IFFO2: variants seen among roughly 807,000 people sequenced by gnomAD.
IFFO2 encodes intermediate filament family orphan 2.
In IFFO2, 19 loss-of-function variants were observed where a neutral mutation model predicts 53.5. The observed-to-expected ratio is 0.36, with a 90% CI of 0.25 to 0.52. The LOEUF is 0.52. Ranked by LOEUF, IFFO2 falls within the 20% of genes least tolerant of loss-of-function variation. The pLI, the probability that IFFO2 is intolerant of heterozygous loss-of-function variation, is 0.94. For missense variants in IFFO2, 570 were observed against 727.4 expected (o/e 0.78, Z 2.49); for synonymous variants, 303 against 313.6 (o/e 0.97, Z 0.36).
rs1444777180 is a variant in IFFO2, at chr1:18,936,199, C to G, written c.666-15078G>C. Among the ~76,000 whole-genome samples, 1 of 152,198 alleles carries G rather than the reference C, an allele frequency of 6.6e-6. No individual in the cohort carries two copies. Among genetic ancestry groups the G allele is most frequent in the Non-Finnish European group, 1.5e-5 (1 of 68,026 alleles). On this transcript the variant is annotated intron_variant, in intron 1 of 8. Coordinates refer to ENST00000455833, the MANE Select transcript of IFFO2 (RefSeq NM_001136265.2). The surrounding 1 kb of genome is among the most constrained non-coding windows in gnomAD (Gnocchi z 4.5). ...CCCTGTCGCCTTAGATATGGCCACC[C>G]TGCCAGCCCCTCCCTGCCAGCCTCA...
At chr1:18,955,243 T>G (rs905630887) in intron 1 of IFFO2, among the ~76,000 whole-genome samples, 4 of 152,184 alleles carry the variant, frequency 2.6e-5, no homozygotes, top group African/African-American at 9.7e-5. Context: ...GGTTAAAATC[T>G]CTGGTTGAAA....
In IFFO2 at chr1:18,911,461, C is replaced by T. The variant is rs934770684; in HGVS notation, c.1240G>A (p.Gly414Ser). The T allele has an allele frequency of 6.6e-7, 1 of 1,506,366 alleles. No individual in the cohort carries two copies. The highest frequency in any genetic ancestry group is 1.4e-5 in the African/African-American group (1 of 70,726). 93.3% of individuals were successfully genotyped at this position (1,506,366 alleles called of 1,614,324 possible). Residue 414 changes from glycine to serine, a missense_variant, in exon 7 of 9, where the codon GGC becomes AGC. Transcript: ENST00000455833. ...GATTCGGTCTCATGGATCAAGTTGC[C>T]CAAGTTTTCCTCTTGCTGGGGAAAT... Reference protein sequence around the residue: ...DLQGEQEENLGNLIHETESFF... With the variant: ...DLQGEQEENLSNLIHETESFF...
chr1:18,918,180 T>C lies in IFFO2; in HGVS notation c.963+182A>G, dbSNP rs1936162879. ...TGAAGCAGTCAGACGAGCCTATGAGTCCACGGGTGCCTGATTCTACGTTTT... is the reference window on the plus strand; with the variant it reads ...TGAAGCAGTCAGACGAGCCTATGAGCCCACGGGTGCCTGATTCTACGTTTT... On this transcript the variant is annotated intron_variant, in intron 4 of 8. Coordinates refer to ENST00000455833, the MANE Select transcript of IFFO2 (RefSeq NM_001136265.2). This position sits in a 1 kb window ranked among gnomAD's most constrained non-coding sequence, Gnocchi z 5.2. Among the ~76,000 whole-genome samples, 2 of 152,012 alleles carry C rather than the reference T, an allele frequency of 1.3e-5. No homozygotes were observed. Among genetic ancestry groups the C allele is most frequent in the Non-Finnish European group, 1.5e-5 (1 of 67,990 alleles).
Position 18,947,166 on chromosome 1 carries a change from C to T in IFFO2, c.665+8502G>A, listed in dbSNP as rs373411102. ...ATCTTCCCCAACAAGAGGCACCAAA[C>T]GATTGTAACAACTTCCCTGTTCCCT... On this transcript the variant is annotated intron_variant, in intron 1 of 8. Transcript: ENST00000455833. The surrounding 1 kb of genome is among the most constrained non-coding windows in gnomAD (Gnocchi z 5.0). 3.2e-4 allele frequency among the ~76,000 whole-genome samples: 48 copies of T among 152,370 alleles called. No individual in the cohort carries two copies. The East Asian group carries it at 6.9e-3, about 22-fold the overall frequency.
chr1:18,918,431 G>A lies in IFFO2; in HGVS notation c.894C>T (p.Ile298=), dbSNP rs756774494. Reference sequence around the variant, plus strand: ...CATCGCACAGCTTGGCCGTGATATCGATTCGGCGGCAGATGTCCATGTCCA... The same window carrying A: ...CATCGCACAGCTTGGCCGTGATATCAATTCGGCGGCAGATGTCCATGTCCA... ...MKVDMDICRR[I]DITAKLCDVA... Residue 298 remains isoleucine, a synonymous_variant, in exon 4 of 9, where the codon ATC becomes ATT. Coordinates refer to ENST00000455833, the MANE Select transcript of IFFO2 (RefSeq NM_001136265.2). This position sits in a 1 kb window ranked among gnomAD's most constrained non-coding sequence, Gnocchi z 5.2. The A allele has an allele frequency of 6.4e-6, 10 of 1,560,836 alleles. No individual in the cohort carries two copies. The highest frequency in any genetic ancestry group is 5.7e-5 in the Admixed American group (3 of 52,350).
chr1:18,952,717 G>A (rs1214104414), intron 1 of IFFO2, among the ~76,000 whole-genome samples: 1 of 152,174 alleles, frequency 6.6e-6, no homozygotes, highest in African/African-American at 2.4e-5. Flanking sequence ...GGAATTTTCT[G>A]TAAATGGACA....
chr1:18,918,987 G>C lies in IFFO2; in HGVS notation c.823-485C>G, dbSNP rs1466707619. Among the ~76,000 whole-genome samples, 2 of 152,030 alleles carry C rather than the reference G, an allele frequency of 1.3e-5. No individual in the cohort carries two copies. Among genetic ancestry groups the C allele is most frequent in the Admixed American group, 6.5e-5 (1 of 15,276 alleles). On this transcript the variant is annotated intron_variant, in intron 3 of 8. Transcript: ENST00000455833. This position sits in a 1 kb window ranked among gnomAD's most constrained non-coding sequence, Gnocchi z 5.2. ...AGGGAGCCCAGTGGCCTCCAACTAG[G>C]GTCCTGGGAGGCTTCTACCAACCAC... is the stretch of plus-strand genomic sequence containing the variant.
intron 1 of IFFO2, among the ~76,000 whole-genome samples, chr1:18,937,905 C>T (rs1411476894): frequency 6.6e-6 from 1 of 152,268 alleles, no homozygotes; most frequent in East Asian, 1.9e-4. Flanking sequence ...TGCAAAAGAA[C>T]CGGCACCAGC....
Position 18,908,682 on chromosome 1 carries a change from G to T in IFFO2, c.1449-16C>A. 6.5e-7 allele frequency: 1 copy of T among 1,539,504 alleles called. No homozygotes were observed. The highest frequency in any genetic ancestry group is 8.8e-7 in the Non-Finnish European group (1 of 1,136,034). ...CGGTGAATTCCTGAGAAGCACAAGA[G>T]AGTGGGGAAATTCAGAGAGCAGCCC... On this transcript the variant is annotated splice_polypyrimidine_tract_variant and intron_variant, in intron 8 of 8. Transcript: ENST00000455833.
chr1:18,915,303 T>C (rs1002834548), intron 5 of IFFO2, among the ~76,000 whole-genome samples: 1 of 152,116 alleles, frequency 6.6e-6, no homozygotes, highest in Non-Finnish European at 1.5e-5. Context: ...ACAAATGATG[T>C]CAAAGGCATC....
At chr1:18,910,837 T>C (rs1468987477) in intron 7 of IFFO2, among the ~76,000 whole-genome samples, 1 of 152,260 alleles carries the variant, frequency 6.6e-6, no homozygotes, top group Admixed American at 6.5e-5. Context: ...CTCTATCAAG[T>C]GATACTTCCT....
At chr1:18,948,635 A>T (rs1936620612) in intron 1 of IFFO2, among the ~76,000 whole-genome samples, 1 of 152,256 alleles carries the variant, frequency 6.6e-6, no homozygotes, top group South Asian at 2.1e-4. Context: ...CGGCGGCAAC[A>T]TCACAAACCT....
rs577966636 is a variant in IFFO2 at position 18,936,605 on chromosome 1, T to A, written c.666-15484A>T. 6.5e-4 allele frequency among the ~76,000 whole-genome samples: 99 copies of A among 152,362 alleles called. No homozygotes were observed. In the South Asian group the frequency reaches 8.1e-3, roughly 12 times the overall value. On this transcript the variant is annotated intron_variant, in intron 1 of 8. Coordinates refer to ENST00000455833, the MANE Select transcript of IFFO2 (RefSeq NM_001136265.2). This position sits in a 1 kb window ranked among gnomAD's most constrained non-coding sequence, Gnocchi z 4.5. ...CCAAGGCTATTTTGGAAACCTAATATGTACTTTGGGTCTCTCCACTGTTTA... is the reference window on the plus strand; with the variant it reads ...CCAAGGCTATTTTGGAAACCTAATAAGTACTTTGGGTCTCTCCACTGTTTA...
In IFFO2 at chr1:18,916,825, A is replaced by G; in HGVS notation, c.1103+78T>C. On this transcript the variant is annotated intron_variant, in intron 5 of 8. Coordinates refer to ENST00000455833, the MANE Select transcript of IFFO2 (RefSeq NM_001136265.2). This position sits in a 1 kb window ranked among gnomAD's most constrained non-coding sequence, Gnocchi z 4.3. ...TCTTCCAGTGCTGCAGGCTACTCTC[A>G]GCCCAAGCCTCCCATTCACCGCCCC... The G allele has an allele frequency of 6.7e-7, 1 of 1,488,410 alleles. No individual in the cohort carries two copies. The highest frequency in any genetic ancestry group is 1.3e-5 in the South Asian group (1 of 79,162). 92.2% of individuals were successfully genotyped at this position (1,488,410 alleles called of 1,614,324 possible). A position where few individuals can be genotyped will look rare whatever the true frequency, so the allele number is the denominator to read the frequency against.
In IFFO2 at chr1:18,928,225, C is replaced by A. The variant is rs1388291486; in HGVS notation, c.666-7104G>T. Among the ~76,000 whole-genome samples, 3 of 152,218 alleles carry A rather than the reference C, an allele frequency of 2.0e-5. No homozygotes were observed. Among genetic ancestry groups the A allele is most frequent in the African/African-American group, 7.2e-5 (3 of 41,462 alleles). ...CCCCTGGGGACACCTGGCACCACCT[C>A]TTGTGGCCTCCCGGCTCCCATCTCC... On this transcript the variant is annotated intron_variant, in intron 1 of 8. Coordinates refer to ENST00000455833, the MANE Select transcript of IFFO2 (RefSeq NM_001136265.2). This position sits in a 1 kb window ranked among gnomAD's most constrained non-coding sequence, Gnocchi z 4.9.
At chr1:18,908,994 C>T (rs976996460) in intron 8 of IFFO2, among the ~76,000 whole-genome samples, 1 of 151,736 alleles carries the variant, frequency 6.6e-6, no homozygotes, top group African/African-American at 2.4e-5. Context: ...CTGAATGACT[C>T]AGAGCTCAAA....
At position 18,915,694 on chromosome 1, in the gene IFFO2, G is replaced by A. The variant is rs758972294; in HGVS notation, c.1103+1209C>T. Among the ~76,000 whole-genome samples the A allele has an allele frequency of 2.6e-5, 4 of 152,114 alleles. No homozygotes were observed. The East Asian group carries it at 5.8e-4, about 22-fold the overall frequency. ...TGATACCCCATCTCCTAGGATGGGC[G>A]TCTGGAGTGAGCAAAGTGACATTTG... On this transcript the variant is annotated intron_variant, in intron 5 of 8. Coordinates refer to ENST00000455833, the MANE Select transcript of IFFO2 (RefSeq NM_001136265.2).
chr1:18,948,018 A>G (rs1936612019), intron 1 of IFFO2, among the ~76,000 whole-genome samples: 1 of 152,202 alleles, frequency 6.6e-6, no homozygotes, highest in Admixed American at 6.5e-5. Context: ...CTGGGACAGA[A>G]GTCTTCACCT....
intron 1 of IFFO2, among the ~76,000 whole-genome samples, chr1:18,933,018 T>C (rs1325920779): frequency 1.3e-5 from 2 of 152,206 alleles, no homozygotes; most frequent in Non-Finnish European, 2.9e-5. Flanking sequence ...CGGCTTACAT[T>C]TCATCTTCTT....
Sources: allele counts gnomAD v4.1 joint callset (sites outside exome capture counted in the v4.1 genomes callset), GRCh38; gene constraint gnomAD v4.1.1; non-coding constraint Gnocchi (gnomAD v3.1); transcripts MANE v1.5; gene names NCBI Gene and HGNC (gene_info 2026-07-23, HGNC 2026-07-21).